SCRG1: variants seen among roughly 807,000 people sequenced by gnomAD.
The protein encoded by SCRG1 is scrapie-responsive protein 1.
In SCRG1, 3 loss-of-function variants were observed where a neutral mutation model predicts 7.7. That is an observed-to-expected ratio of 0.39 (90% CI 0.18 to 1.01). SCRG1 has a LOEUF of 1.01. SCRG1 is among the 50% of genes least tolerant of loss of function. The probability of loss-of-function intolerance (pLI) is 0.36; values close to 1 mark genes in which losing one functional copy is unlikely to be tolerated. For missense variants in SCRG1, 110 were observed against 117.2 expected, an observed-to-expected ratio of 0.94 and a Z score of 0.28; for synonymous variants, 46 against 41.2, an observed-to-expected ratio of 1.12 and a Z score of -0.44.
At chr4:173,503,906 C>T in the SCRG1 span, among the ~76,000 whole-genome samples, 15 of 152,174 alleles carry the variant, frequency 9.9e-5, no homozygotes, top group Non-Finnish European at 2.1e-4. This position sits in a 1 kb window ranked among gnomAD's most constrained non-coding sequence, Gnocchi z 6.4. Flanking sequence ...GGGGAAGAAG[C>T]GGGGTGCGTG....
At chr4:173,404,222 TA>T (rs1739839876) in intron 2 of SCRG1, 1 of 152,038 alleles carries the variant, frequency 6.6e-6, no homozygotes, top group Admixed American at 6.6e-5. Context: ...GCAAAAGAAA[TA>T]GAATGAGAAA....
the SCRG1 span, among the ~76,000 whole-genome samples, chr4:173,466,064 C>G: frequency 6.6e-6 from 1 of 152,066 alleles, no homozygotes; most frequent in Non-Finnish European, 1.5e-5. Flanking sequence ...GTTTAAAGAC[C>G]ATTTGTGTAC....
intron 1 of SCRG1, among the ~76,000 whole-genome samples, chr4:173,394,798 TTTTAA>T (rs2126917356): frequency 6.6e-6 from 1 of 152,352 alleles, no homozygotes; most frequent in Non-Finnish European, 1.5e-5. Flanking sequence ...CATAAACATA[TTTTAA>T]ATTATAGTTA....
chr4:173,517,157 G>A, the SCRG1 span, among the ~76,000 whole-genome samples: 1 of 152,144 alleles, frequency 6.6e-6, no homozygotes. Context: ...GGAGGCTCGG[G>A]GCTCGGGCGG....
the SCRG1 span, among the ~76,000 whole-genome samples, chr4:173,476,487 A>G: frequency 1.3e-5 from 2 of 151,670 alleles, no homozygotes; most frequent in Non-Finnish European, 2.9e-5. Context: ...GAGTAGAGAC[A>G]ACCTACAGAA....
the SCRG1 span, among the ~76,000 whole-genome samples, chr4:173,428,010 A>ATTT: frequency 6.6e-6 from 1 of 152,230 alleles, no homozygotes; most frequent in African/African-American, 2.4e-5. Context: ...AAGTGTGTAA[A>ATTT]TATCAGAAAA....
At chr4:173,397,003 A>G (rs1468434592) in intron 1 of SCRG1, among the ~76,000 whole-genome samples, 2 of 152,158 alleles carry the variant, frequency 1.3e-5, no homozygotes, top group Non-Finnish European at 1.5e-5. Context: ...CAGTGAGCCG[A>G]GATTGCACCA....
the SCRG1 span, among the ~76,000 whole-genome samples, chr4:173,441,814 G>T: frequency 6.6e-5 from 10 of 152,160 alleles, no homozygotes; most frequent in Non-Finnish European, 1.2e-4. Context: ...AGGAGTTCAA[G>T]GCTGCAGTGA....
chr4:173,453,907 T>A, the SCRG1 span, among the ~76,000 whole-genome samples: 2 of 151,964 alleles, frequency 1.3e-5, no homozygotes, highest in African/African-American at 2.4e-5. Flanking sequence ...TGAAACCCCA[T>A]CTGTACTAAA....
chr4:173,413,209 G>A, the SCRG1 span, among the ~76,000 whole-genome samples: 1 of 152,140 alleles, frequency 6.6e-6, no homozygotes, highest in South Asian at 2.1e-4. Context: ...CTGGCAAAAT[G>A]CCTGGGACAA....
the SCRG1 span, among the ~76,000 whole-genome samples, chr4:173,467,235 G>GAA: frequency 0.017 from 2,576 of 151,362 alleles, 45 homozygotes; most frequent in African/African-American, 0.047. Flanking sequence ...CAGTCCATTG[G>GAA]AAAAAAAAAG....
chr4:173,493,002 G>A, the SCRG1 span, among the ~76,000 whole-genome samples: 2 of 152,100 alleles, frequency 1.3e-5, no homozygotes, highest in East Asian at 3.9e-4. Flanking sequence ...CTAAGAACAG[G>A]GTGCCCCAGT....
the SCRG1 span, among the ~76,000 whole-genome samples, chr4:173,433,106 T>A: frequency 6.6e-6 from 1 of 152,262 alleles, no homozygotes; most frequent in Non-Finnish European, 1.5e-5. Context: ...TTCTTTTCTC[T>A]TTTTCCTAGC....
the SCRG1 span, among the ~76,000 whole-genome samples, chr4:173,462,445 T>C: frequency 5.9e-5 from 9 of 152,160 alleles, no homozygotes; most frequent in Admixed American, 3.3e-4. Flanking sequence ...TGCCCTAAAA[T>C]AGTATATCCA....
At chr4:173,453,697 A>T in the SCRG1 span, among the ~76,000 whole-genome samples, 2 of 152,260 alleles carry the variant, frequency 1.3e-5, no homozygotes, top group Non-Finnish European at 1.5e-5. Flanking sequence ...GTTGACTAAA[A>T]CATCATTATA....
chr4:173,419,624 G>A, the SCRG1 span: 1 of 728,910 alleles, frequency 1.4e-6, no homozygotes, highest in Non-Finnish European at 2.5e-6. Context: ...GTGAGGGATA[G>A]ACAAACCAAG....
the SCRG1 span, among the ~76,000 whole-genome samples, chr4:173,483,165 C>T: frequency 9.6e-5 from 7 of 72,990 alleles, no homozygotes; most frequent in African/African-American, 4.2e-4. Context: ...AAATATATAA[C>T]ATATAACATA....
the SCRG1 span, among the ~76,000 whole-genome samples, chr4:173,414,776 A>G: frequency 6.6e-6 from 1 of 152,208 alleles, no homozygotes; most frequent in Admixed American, 6.5e-5. Flanking sequence ...TGGTGCTGGC[A>G]TTCTCATCCC....
At chr4:173,405,768 T>A (rs1462069755) in intron 1 of SCRG1, among the ~76,000 whole-genome samples, 1 of 152,132 alleles carries the variant, frequency 6.6e-6, no homozygotes, top group Non-Finnish European at 1.5e-5. Context: ...TGGTTTTTGG[T>A]TTTGTTTTGT....
Sources: allele counts gnomAD v4.1 joint callset (sites outside exome capture counted in the v4.1 genomes callset), GRCh38; gene constraint gnomAD v4.1.1; non-coding constraint Gnocchi (gnomAD v3.1); transcripts MANE v1.5; gene names NCBI Gene and HGNC (gene_info 2026-07-23, HGNC 2026-07-21).